The following CCSER1 variants were observed in gnomAD, a reference collection of about 807,000 sequenced individuals.
CCSER1 encodes serine-rich coiled-coil domain-containing protein 1.
Under a neutral mutation model 82.0 loss-of-function variants are expected in CCSER1, and 41 were observed. The ratio of observed to expected loss-of-function variants is 0.50; its 90% CI spans 0.39 to 0.65. The LOEUF is 0.65. CCSER1 is among the 30% of genes least tolerant of loss of function. The pLI, the probability that CCSER1 is intolerant of heterozygous loss-of-function variation, is 0.00. For synonymous variants in CCSER1, 414 were observed against 383.9 expected (o/e 1.08, Z -0.92); for missense variants, 1,119 against 1,064.2 (o/e 1.05, Z -0.72).
intron 6 of CCSER1, among the ~76,000 whole-genome samples, chr4:90,698,482 A>G (rs7696309): frequency 0.23 from 34,384 of 152,110 alleles, 4,906 homozygotes; most frequent in African/African-American, 0.4. Context: ...GAACCTGGGA[A>G]TGATAGAGTT....
At chr4:90,534,455 G>A (rs1464171349) in intron 5 of CCSER1, among the ~76,000 whole-genome samples, 1 of 149,412 alleles carries the variant, frequency 6.7e-6, no homozygotes, top group African/African-American at 2.4e-5. Context: ...GTGTGTGTGT[G>A]TGTGTGTGTG....
intron 10 of CCSER1, among the ~76,000 whole-genome samples, chr4:91,290,526 A>G (rs1743664289): frequency 6.6e-6 from 1 of 152,012 alleles, no homozygotes; most frequent in Non-Finnish European, 1.5e-5. Context: ...ATGATGAAAC[A>G]GAAAATATGC....
chr4:91,163,100 T>G (rs1443613942), intron 10 of CCSER1, among the ~76,000 whole-genome samples: 2 of 152,238 alleles, frequency 1.3e-5, no homozygotes, highest in African/African-American at 4.8e-5. Flanking sequence ...CACACAGTTT[T>G]AAATGTGTCC....
chr4:90,724,694 A>C (rs984873471), intron 7 of CCSER1: 2 of 353,440 alleles, frequency 5.7e-6, no homozygotes, highest in Non-Finnish European at 1.1e-5. Context: ...TGAGGAAAAA[A>C]ACTTAAAACG....
intron 10 of CCSER1, among the ~76,000 whole-genome samples, chr4:91,302,764 A>G (rs1005358134): frequency 2.0e-5 from 3 of 151,096 alleles, no homozygotes; most frequent in Non-Finnish European, 4.4e-5. Context: ...TATCCCTTAA[A>G]ACTTTATATC....
intron 3 of CCSER1, among the ~76,000 whole-genome samples, chr4:90,377,274 G>C (rs1051100799): frequency 6.6e-6 from 1 of 152,102 alleles, no homozygotes; most frequent in African/African-American, 2.4e-5. Flanking sequence ...TTAATGTGTT[G>C]TTAAAGCTAA....
chr4:91,559,536 C>T (rs1042941791), intron 10 of CCSER1, among the ~76,000 whole-genome samples: 2 of 151,430 alleles, frequency 1.3e-5, no homozygotes, highest in Non-Finnish European at 3.0e-5. Context: ...TCCATCTGGC[C>T]ATTTTTTTTG....
intron 6 of CCSER1, among the ~76,000 whole-genome samples, chr4:90,684,272 A>G (rs80270522): frequency 2.0e-5 from 3 of 152,318 alleles, no homozygotes; most frequent in East Asian, 1.9e-4. Flanking sequence ...GGTTTGAAAT[A>G]TAAGTTTTAT....
intron 5 of CCSER1, among the ~76,000 whole-genome samples, chr4:90,614,742 C>G (rs1720880181): frequency 6.6e-6 from 1 of 152,074 alleles, no homozygotes; most frequent in African/African-American, 2.4e-5. Context: ...GAAGCTATCT[C>G]CATAAAATAA....
intron 4 of CCSER1, among the ~76,000 whole-genome samples, chr4:90,449,892 G>A (rs1447347497): frequency 6.6e-6 from 1 of 152,138 alleles, no homozygotes; most frequent in Non-Finnish European, 1.5e-5. Flanking sequence ...CTCTAACTTG[G>A]AAGGGGTGGG....
At chr4:90,359,812 T>C (rs980087930) in intron 3 of CCSER1, among the ~76,000 whole-genome samples, 11 of 151,464 alleles carry the variant, frequency 7.3e-5, no homozygotes, top group African/African-American at 2.7e-4. Flanking sequence ...GTAAAAACTT[T>C]ATATATAGAT....
intron 5 of CCSER1, among the ~76,000 whole-genome samples, chr4:90,607,217 C>T (rs1188082590): frequency 6.6e-6 from 1 of 152,034 alleles, no homozygotes; most frequent in Non-Finnish European, 1.5e-5. Flanking sequence ...GCAGTGAAAA[C>T]CGTTGGCTGT....
At chr4:91,430,660 C>A (rs1754245435) in intron 10 of CCSER1, among the ~76,000 whole-genome samples, 1 of 152,124 alleles carries the variant, frequency 6.6e-6, no homozygotes, top group Non-Finnish European at 1.5e-5. Flanking sequence ...GGACACATGG[C>A]AAAACAAAGA....
At chr4:90,588,875 G>A (rs1359202633) in intron 5 of CCSER1, among the ~76,000 whole-genome samples, 1 of 152,136 alleles carries the variant, frequency 6.6e-6, no homozygotes, top group Non-Finnish European at 1.5e-5. Flanking sequence ...ATGGAACTGT[G>A]AGTCCATTCA....
intron 10 of CCSER1, among the ~76,000 whole-genome samples, chr4:91,175,034 C>A (rs113628987): frequency 6.6e-6 from 1 of 152,106 alleles, no homozygotes; most frequent in East Asian, 1.9e-4. Flanking sequence ...CGAGTGTTCT[C>A]ATTGGTCAAT....
intron 10 of CCSER1, among the ~76,000 whole-genome samples, chr4:91,454,871 A>C (rs919296900): frequency 1.3e-5 from 2 of 151,928 alleles, no homozygotes; most frequent in African/African-American, 4.8e-5. Context: ...CCCTTGTTCT[A>C]ACCCTTTTAG....
chr4:90,549,920 G>T (rs1407844465), intron 5 of CCSER1, among the ~76,000 whole-genome samples: 1 of 151,938 alleles, frequency 6.6e-6, no homozygotes, highest in African/African-American at 2.4e-5. Flanking sequence ...ATAAGTCTTG[G>T]TAACTACTGG....
intron 10 of CCSER1, among the ~76,000 whole-genome samples, chr4:91,225,411 A>G (rs1300859180): frequency 1.4e-5 from 2 of 144,206 alleles, no homozygotes; most frequent in Non-Finnish European, 3.0e-5. Flanking sequence ...TATATTATAT[A>G]TATGAAAATA....
chr4:90,610,342 G>A (rs1785305138), intron 5 of CCSER1, among the ~76,000 whole-genome samples: 1 of 151,976 alleles, frequency 6.6e-6, no homozygotes, highest in Non-Finnish European at 1.5e-5. Flanking sequence ...AAGATCGCAA[G>A]GAATCTGCCA....
Sources: allele counts gnomAD v4.1 joint callset (sites outside exome capture counted in the v4.1 genomes callset), GRCh38; gene constraint gnomAD v4.1.1; transcripts MANE v1.5; gene names NCBI Gene and HGNC (gene_info 2026-07-23, HGNC 2026-07-21).